CADPS2: variants seen among roughly 807,000 people sequenced by gnomAD.
CADPS2 encodes calcium dependent secretion activator 2, also known as calcium-dependent secretion activator 2.
Under a neutral mutation model 172.5 loss-of-function variants are expected in CADPS2, and 93 were observed. The ratio of observed to expected loss-of-function variants is 0.54; its 90% CI spans 0.46 to 0.64. The LOEUF (loss-of-function observed/expected upper bound fraction) is 0.64. Ranked by LOEUF, CADPS2 falls within the 30% of genes least tolerant of loss-of-function variation. The pLI, the probability that CADPS2 is intolerant of heterozygous loss-of-function variation, is 0.00. For synonymous variants in CADPS2, 546 were observed against 555.2 expected (o/e 0.98, Z 0.23); for missense variants, 1,420 against 1,565.9 (o/e 0.91, Z 1.57).
intron 14 of CADPS2, among the ~76,000 whole-genome samples, chr7:122,468,721 T>C (rs1346315017): frequency 6.6e-6 from 1 of 152,074 alleles, no homozygotes; most frequent in Non-Finnish European, 1.5e-5. Context: ...AGAGCCGGGA[T>C]TCAAGTGAAG....
intron 2 of CADPS2, among the ~76,000 whole-genome samples, chr7:122,682,910 C>T (rs572842817): frequency 1.3e-5 from 2 of 152,296 alleles, no homozygotes; most frequent in Admixed American, 1.3e-4. Flanking sequence ...ACTGGCCACT[C>T]CTCACGAGAG....
intron 1 of CADPS2, among the ~76,000 whole-genome samples, chr7:122,839,939 C>T (rs1809901531): frequency 6.6e-6 from 1 of 152,154 alleles, no homozygotes; most frequent in Non-Finnish European, 1.5e-5. Context: ...GGTGTATACC[C>T]AAAGGATTAT....
chr7:122,804,856 A>C (rs188241863), intron 1 of CADPS2, among the ~76,000 whole-genome samples: 1 of 152,270 alleles, frequency 6.6e-6, no homozygotes, highest in Non-Finnish European at 1.5e-5. Flanking sequence ...TTTGTTTGCT[A>C]TTTCTAATAC....
chr7:122,519,918 G>C (rs1326216571), intron 8 of CADPS2, among the ~76,000 whole-genome samples: 1 of 151,582 alleles, frequency 6.6e-6, no homozygotes, highest in Non-Finnish European at 1.5e-5. Flanking sequence ...CTACCAACAA[G>C]GCAAATAGTA....
intron 3 of CADPS2, 54 bp downstream of exon 3, chr7:122,663,183 C>G: frequency 7.8e-7 from 1 of 1,285,656 alleles, no homozygotes; most frequent in African/African-American, 1.5e-5. Context: ...GTAAATACTT[C>G]ATGTTCATTC....
chr7:122,387,798 T>A (rs566939035), intron 23 of CADPS2, among the ~76,000 whole-genome samples: 1 of 152,080 alleles, frequency 6.6e-6, no homozygotes, highest in Non-Finnish European at 1.5e-5. Context: ...TCAAAGATGA[T>A]TTTTAAAAAA....
At position 122,491,989 on chromosome 7, in the gene CADPS2, G is replaced by A. The variant is rs550281347; in HGVS notation, c.1543-569C>T. On this transcript the variant is annotated intron_variant, in intron 9 of 29. Transcript: ENST00000449022. ...AAATCGAGACCATCGTGTCTAACAC[G>A]GTGAAACCCCATCTCTATTAAAAAT... is the stretch of plus-strand genomic sequence containing the variant. Among the ~76,000 whole-genome samples the A allele has an allele frequency of 6.6e-5, 10 of 152,090 alleles. No individual in the cohort carries two copies. In the East Asian group the frequency reaches 1.2e-3, roughly 18 times the overall value.
At chr7:122,324,790 G>A (rs972730917) in intron 29 of CADPS2, among the ~76,000 whole-genome samples, 23 of 152,158 alleles carry the variant, frequency 1.5e-4, no homozygotes, top group African/African-American at 4.8e-4. Flanking sequence ...TAAACTTGGG[G>A]TAAATTTTGT....
intron 24 of CADPS2, chr7:122,382,251 A>G (rs1406737452): frequency 6.6e-6 from 1 of 152,174 alleles, no homozygotes; most frequent in Non-Finnish European, 1.5e-5. Flanking sequence ...GAAGTTGTAG[A>G]ATGAAGGAAC....
intron 16 of CADPS2, 27 bp from the exon 17 acceptor site, chr7:122,438,491 AG>A: frequency 6.2e-7 from 1 of 1,610,978 alleles, no homozygotes; most frequent in East Asian, 2.2e-5. Context: ...TGGAAGGGTG[AG>A]GGGCAGGGTT....
chr7:122,848,609 A>T (rs1324897397), intron 1 of CADPS2, among the ~76,000 whole-genome samples: 2 of 152,206 alleles, frequency 1.3e-5, no homozygotes, highest in African/African-American at 4.8e-5. Flanking sequence ...TGCGATTCAA[A>T]CATATGCCAC....
chr7:122,603,754 CCT>C (rs774917622), intron 6 of CADPS2, among the ~76,000 whole-genome samples: 24 of 152,114 alleles, frequency 1.6e-4, no homozygotes, highest in African/African-American at 4.3e-4. Context: ...ACTATAATCC[CCT>C]GTCATTAACA....
chr7:122,730,721 G>C (rs1206081559), intron 2 of CADPS2, among the ~76,000 whole-genome samples: 1 of 151,530 alleles, frequency 6.6e-6, no homozygotes, highest in Non-Finnish European at 1.5e-5. Context: ...TATACAGGCG[G>C]TATTTGTTTT....
chr7:122,401,325 A>G (rs1325314326), intron 20 of CADPS2, among the ~76,000 whole-genome samples: 1 of 152,196 alleles, frequency 6.6e-6, no homozygotes, highest in Admixed American at 6.5e-5. Context: ...TTAATTAAAG[A>G]AGCAGCACCG....
chr7:122,810,044 C>T (rs947789782), intron 1 of CADPS2, among the ~76,000 whole-genome samples: 6 of 152,100 alleles, frequency 3.9e-5, no homozygotes, highest in Non-Finnish European at 2.9e-5. Context: ...GAGATCTCAG[C>T]TATACCTTGC....
At chr7:122,720,704 T>A (rs956368204) in intron 2 of CADPS2, among the ~76,000 whole-genome samples, 2 of 151,914 alleles carry the variant, frequency 1.3e-5, no homozygotes, top group African/African-American at 4.8e-5. Context: ...CTAAAAAGGA[T>A]ATACCTCCTG....
chr7:122,724,747 T>TC (rs397757928), intron 2 of CADPS2, among the ~76,000 whole-genome samples: 35 of 151,604 alleles, frequency 2.3e-4, no homozygotes, highest in African/African-American at 7.7e-4. Flanking sequence ...CCTTTTTTTT[T>TC]CCCATGTGTT....
In CADPS2 at chr7:122,658,213, T is replaced by C. The variant is rs534832807; in HGVS notation, c.786+5024A>G. On this transcript the variant is annotated intron_variant, in intron 3 of 29. Coordinates refer to ENST00000449022, the MANE Select transcript of CADPS2 (RefSeq NM_017954.11). ...AGATACCATCTCACACCAGTTAGAA[T>C]GGCAATCATTAAAAAGTCAGGAAAC... 4.6e-5 allele frequency among the ~76,000 whole-genome samples: 7 copies of C among 152,256 alleles called. No homozygotes were observed. In the South Asian group the frequency reaches 1.5e-3, roughly 32 times the overall value.
At chr7:122,425,293 A>G (rs527674040) in intron 17 of CADPS2, among the ~76,000 whole-genome samples, 2 of 151,762 alleles carry the variant, frequency 1.3e-5, no homozygotes, top group Admixed American at 1.3e-4. Flanking sequence ...ACATTTTTTT[A>G]AAGATTGATC....
Sources: allele counts gnomAD v4.1 joint callset (sites outside exome capture counted in the v4.1 genomes callset), GRCh38; gene constraint gnomAD v4.1.1; transcripts MANE v1.5; gene names NCBI Gene and HGNC (gene_info 2026-07-23, HGNC 2026-07-21).